The following PRKD1 variants were observed in gnomAD, a reference collection of about 807,000 sequenced individuals.
The protein encoded by PRKD1 is protein kinase D1.
In PRKD1, 63 loss-of-function variants were observed where a neutral mutation model predicts 95.9. That is an observed-to-expected ratio of 0.66 (90% CI 0.54 to 0.81). The LOEUF (loss-of-function observed/expected upper bound fraction) is 0.81, where lower values mean the gene tolerates loss of function less well. PRKD1 is among the 30% of genes least tolerant of loss of function. The probability of loss-of-function intolerance (pLI) is 0.00; values close to 1 mark genes in which losing one functional copy is unlikely to be tolerated. For synonymous variants in PRKD1, 425 were observed against 423.1 expected, an observed-to-expected ratio of 1.00 and a Z score of -0.05; for missense variants, 1,048 against 1,165.3, an observed-to-expected ratio of 0.90 and a Z score of 1.47.
intron 2 of PRKD1, among the ~76,000 whole-genome samples, chr14:29,717,105 A>ACATAGGACAT (rs1161268046): frequency 1.3e-5 from 2 of 152,228 alleles, no homozygotes; most frequent in Non-Finnish European, 2.9e-5. Context: ...TGGATATCAT[A>ACATAGGACAT]CATAGGACAT....
At chr14:29,892,702 G>A (rs772072246) in intron 1 of PRKD1, among the ~76,000 whole-genome samples, 2 of 152,132 alleles carry the variant, frequency 1.3e-5, no homozygotes, top group Non-Finnish European at 2.9e-5. Flanking sequence ...ACCTTCAGAA[G>A]TGGACCCATC....
chr14:29,579,658 T>G (rs1892688582), intron 16 of PRKD1, among the ~76,000 whole-genome samples: 1 of 152,176 alleles, frequency 6.6e-6, no homozygotes, highest in Non-Finnish European at 1.5e-5. Flanking sequence ...GAAAAGTGAC[T>G]TCTACAGTCT....
chr14:29,583,699 T>C (rs929084245), intron 16 of PRKD1, among the ~76,000 whole-genome samples: 5 of 152,140 alleles, frequency 3.3e-5, no homozygotes, highest in South Asian at 2.1e-4. Flanking sequence ...TTTCTCTTCT[T>C]ATGGAAAAAT....
intron 1 of PRKD1, among the ~76,000 whole-genome samples, chr14:29,736,478 G>T (rs1249608239): frequency 6.6e-6 from 1 of 152,090 alleles, no homozygotes; most frequent in Admixed American, 6.5e-5. Context: ...TTATGTGAAG[G>T]TGTGTGAGCT....
intron 1 of PRKD1, among the ~76,000 whole-genome samples, chr14:29,903,456 G>A (rs530579274): frequency 6.6e-6 from 1 of 152,268 alleles, no homozygotes; most frequent in Admixed American, 6.5e-5. Context: ...ACAACCATCA[G>A]CATAATGCCT....
At chr14:29,898,552 T>C (rs1197732419) in intron 1 of PRKD1, among the ~76,000 whole-genome samples, 3 of 152,182 alleles carry the variant, frequency 2.0e-5, no homozygotes, top group African/African-American at 2.4e-5. Flanking sequence ...TCATTACATA[T>C]GACACTGTGT....
chr14:29,682,348 T>C (rs1594423942), intron 2 of PRKD1, among the ~76,000 whole-genome samples: 1 of 152,196 alleles, frequency 6.6e-6, no homozygotes, highest in Non-Finnish European at 1.5e-5. Flanking sequence ...CTTTAACCTC[T>C]ATCTCAAAGA....
chr14:29,639,672 G>GA (rs1297636752), intron 4 of PRKD1, among the ~76,000 whole-genome samples: 8 of 149,862 alleles, frequency 5.3e-5, no homozygotes, highest in African/African-American at 2.4e-5. Context: ...AAGAAAGAAA[G>GA]AAAAAAATGC....
intron 1 of PRKD1, among the ~76,000 whole-genome samples, chr14:29,809,281 A>G (rs1890379378): frequency 6.6e-6 from 1 of 152,190 alleles, no homozygotes; most frequent in Non-Finnish European, 1.5e-5. Context: ...AGGCCCCAGG[A>G]TTTTCAGAAT....
chr14:29,776,621 C>T (rs578203069), intron 1 of PRKD1, among the ~76,000 whole-genome samples: 4 of 152,180 alleles, frequency 2.6e-5, no homozygotes, highest in East Asian at 3.9e-4. Context: ...ATGAATAAAG[C>T]GTCCAAGAAA....
At chr14:29,891,358 GC>G (rs1266793547) in intron 1 of PRKD1, among the ~76,000 whole-genome samples, 1 of 152,028 alleles carries the variant, frequency 6.6e-6, no homozygotes, top group African/African-American at 2.4e-5. Context: ...CAATTCAGTA[GC>G]AAAAACCAAA....
chr14:29,920,917 T>C (rs1192954546), intron 1 of PRKD1, among the ~76,000 whole-genome samples: 2 of 152,222 alleles, frequency 1.3e-5, no homozygotes, highest in Non-Finnish European at 2.9e-5. Flanking sequence ...CTCTAGATGT[T>C]AGCATGACAG....
At chr14:29,898,527 G>A (rs1894209816) in intron 1 of PRKD1, among the ~76,000 whole-genome samples, 1 of 152,072 alleles carries the variant, frequency 6.6e-6, no homozygotes, top group Non-Finnish European at 1.5e-5. Flanking sequence ...TTGTGCTTTT[G>A]ATGAATATTA....
chr14:29,843,193 C>A (rs1243443030), intron 1 of PRKD1, among the ~76,000 whole-genome samples: 1 of 152,024 alleles, frequency 6.6e-6, no homozygotes, highest in Non-Finnish European at 1.5e-5. Flanking sequence ...AGATGTTATG[C>A]CACAGAAGCA....
intron 13 of PRKD1, among the ~76,000 whole-genome samples, chr14:29,616,309 C>G (rs1207527703): frequency 1.4e-5 from 2 of 139,840 alleles, no homozygotes; most frequent in Non-Finnish European, 1.5e-5. Context: ...GTGTAGAAAC[C>G]AATGACAAGA....
At chr14:29,675,782 T>A (rs567438671) in intron 2 of PRKD1, among the ~76,000 whole-genome samples, 1 of 152,116 alleles carries the variant, frequency 6.6e-6, no homozygotes, top group South Asian at 2.1e-4. Context: ...ATATACACCA[T>A]GGAATACTAT....
chr14:29,860,632 A>G (rs1490402663), intron 1 of PRKD1, among the ~76,000 whole-genome samples: 1 of 152,220 alleles, frequency 6.6e-6, no homozygotes, highest in Non-Finnish European at 1.5e-5. Flanking sequence ...AATTTAAATT[A>G]CTGATATAAT....
At chr14:29,613,326 CATT>C (rs1329475728) in intron 13 of PRKD1, among the ~76,000 whole-genome samples, 1 of 152,154 alleles carries the variant, frequency 6.6e-6, no homozygotes, top group African/African-American at 2.4e-5. Flanking sequence ...CACTTAGCAA[CATT>C]ATTCTCTGGT....
chr14:29,647,768 G>A (rs926638476), intron 4 of PRKD1, among the ~76,000 whole-genome samples: 6 of 152,316 alleles, frequency 3.9e-5, no homozygotes, highest in African/African-American at 1.4e-4. Flanking sequence ...GAAATAAGGG[G>A]CCGGAGAGAC....
Sources: gnomAD v4.1 joint callset for allele counts (sites outside exome capture counted in the v4.1 genomes callset) on GRCh38, gnomAD v4.1.1 for gene constraint, MANE v1.5 for transcripts, NCBI Gene and HGNC (gene_info 2026-07-23, HGNC 2026-07-21) for gene names.